Variants in SUZ12 observed in about 807,000 individuals in gnomAD.
SUZ12 encodes the protein polycomb protein SUZ12.
A neutral mutation model predicts 87.3 loss-of-function variants in SUZ12; 17 were observed. The ratio of observed to expected loss-of-function variants is 0.19; its 90% CI spans 0.13 to 0.29. SUZ12 has a LOEUF of 0.29. Among genes scored for constraint, SUZ12 ranks in the 10% least tolerant of loss-of-function variants. SUZ12 has a pLI of 1.00. For missense variants in SUZ12, 526 were observed against 912.2 expected (o/e 0.58, Z 5.45); for synonymous variants, 253 against 312.4 (o/e 0.81, Z 2.01).
chr17:31,941,618 C>T (rs537118991), intron 3 of SUZ12, among the ~76,000 whole-genome samples: 8 of 151,084 alleles, frequency 5.3e-5, no homozygotes, highest in Non-Finnish European at 8.8e-5. Flanking sequence ...GGCGCAACCT[C>T]GGCTCACTGC....
At chr17:31,954,640 G>A (rs1268828998) in intron 4 of SUZ12, among the ~76,000 whole-genome samples, 2 of 151,992 alleles carry the variant, frequency 1.3e-5, no homozygotes, top group Non-Finnish European at 2.9e-5. Flanking sequence ...GGAAAGAAAA[G>A]CATAAGAAAA....
chr17:31,939,675 CG>C (rs1165331131), intron 1 of SUZ12, among the ~76,000 whole-genome samples: 1 of 152,084 alleles, frequency 6.6e-6, no homozygotes, highest in Non-Finnish European at 1.5e-5. Flanking sequence ...AGGCATGCGC[CG>C]CCCCTATGCC....
At chr17:31,991,038 C>T (rs148265598) in intron 10 of SUZ12, among the ~76,000 whole-genome samples, 4 of 152,312 alleles carry the variant, frequency 2.6e-5, no homozygotes, top group African/African-American at 7.2e-5. Flanking sequence ...TGAGCCATTG[C>T]GCCTGGCCAA....
chr17:31,955,396 C>A (rs1907249545), intron 4 of SUZ12, among the ~76,000 whole-genome samples: 1 of 152,112 alleles, frequency 6.6e-6, no homozygotes, highest in Non-Finnish European at 1.5e-5. Context: ...ATCCTCCTGC[C>A]TCAGCCTACC....
At chr17:31,945,446 C>T (rs1348580358) in intron 3 of SUZ12, among the ~76,000 whole-genome samples, 1 of 152,134 alleles carries the variant, frequency 6.6e-6, no homozygotes, top group Admixed American at 6.6e-5. Flanking sequence ...ATATAGGTCA[C>T]GAGAAGGGCA....
chr17:31,958,630 G>A (rs1016492284), intron 4 of SUZ12, among the ~76,000 whole-genome samples: 3 of 152,146 alleles, frequency 2.0e-5, no homozygotes, highest in Non-Finnish European at 2.9e-5. Context: ...GGCGGATCAT[G>A]AGGTCAAGAG....
At chr17:31,964,953 A>G (rs555599092) in intron 4 of SUZ12, among the ~76,000 whole-genome samples, 6 of 151,946 alleles carry the variant, frequency 3.9e-5, no homozygotes, top group Non-Finnish European at 5.9e-5. Context: ...TTGCACTCCA[A>G]CCTGGGCGAG....
intron 8 of SUZ12, among the ~76,000 whole-genome samples, chr17:31,979,119 A>G (rs1254045804): frequency 6.7e-6 from 1 of 148,696 alleles, no homozygotes; most frequent in African/African-American, 2.5e-5. Context: ...AAAAAAAAAA[A>G]AAAAAAGAAT....
At chr17:31,978,097 G>A (rs1216434564) in intron 8 of SUZ12, among the ~76,000 whole-genome samples, 7 of 151,930 alleles carry the variant, frequency 4.6e-5, no homozygotes, top group East Asian at 1.9e-4. Context: ...AACCTATGCC[G>A]TCATTTCTTG....
At chr17:31,997,666 C>CAA (rs892389046) in intron 15 of SUZ12, among the ~76,000 whole-genome samples, 1,583 of 70,352 alleles carry the variant, frequency 0.023, 38 homozygotes, top group African/African-American at 0.068. Context: ...ACCCTATCTC[C>CAA]AAAAAAAAAA....
At chr17:31,990,303 G>C (rs781335049) in intron 10 of SUZ12, among the ~76,000 whole-genome samples, 1 of 151,214 alleles carries the variant, frequency 6.6e-6, no homozygotes, top group Non-Finnish European at 1.5e-5. Context: ...GTAGAGATGG[G>C]GTTTCACCGT....
intron 5 of SUZ12, among the ~76,000 whole-genome samples, chr17:31,968,081 G>A (rs966549331): frequency 5.3e-5 from 8 of 152,126 alleles, no homozygotes; most frequent in Non-Finnish European, 1.2e-4. Context: ...GAGGTGGGAG[G>A]ATTGCTTGAG....
intron 9 of SUZ12, among the ~76,000 whole-genome samples, chr17:31,985,020 T>G (rs1909327578): frequency 1.3e-5 from 2 of 152,242 alleles, no homozygotes; most frequent in South Asian, 4.1e-4. Context: ...CCAGGCATGG[T>G]GGCAGGTGCT....
rs772515100 is a variant in SUZ12, at chr17:31,993,312, A to G, written c.1272A>G (p.Gln424=). 2 of 1,577,300 alleles carry G rather than the reference A, an allele frequency of 1.3e-6. No individual in the cohort carries two copies. The highest frequency in any genetic ancestry group is 2.4e-5 in the South Asian group (2 of 84,920). The part of the protein sequence containing the change: ...KEKDTPNENR[Q]KLRIFYQFLY... ...AGGATACTCCAAATGAAAACCGACA[A>G]AAATTAAGAATATTTTATCAGGTAA... Residue 424 remains glutamine (Q), a synonymous_variant, in exon 11 of 16, where the codon CAA becomes CAG. Coordinates refer to ENST00000322652, the MANE Select transcript of SUZ12 (RefSeq NM_015355.4).
chr17:31,959,970 C>T (rs1907596562), intron 4 of SUZ12, among the ~76,000 whole-genome samples: 2 of 152,130 alleles, frequency 1.3e-5, no homozygotes, highest in Admixed American at 6.6e-5. Flanking sequence ...AACTAAGTTT[C>T]TTATATCTTA....
chr17:31,989,395 A>T lies in SUZ12; in HGVS notation c.1201+898A>T, dbSNP rs141099796. Among the ~76,000 whole-genome samples the T allele has an allele frequency of 1.9e-3, 294 of 152,322 alleles. 2 individuals are homozygous for T. Among genetic ancestry groups the T allele is most frequent in the Admixed American group, 4.8e-3 (73 of 15,294 alleles). On this transcript the variant is annotated intron_variant, in intron 10 of 15. Transcript: ENST00000322652. ...CCTAGAAATTTGAATTGAAAAAAAA[A>T]ATTGAAGCGTGATATGGTACATAGT...
At chr17:31,996,658 A>G (rs1340218867) in intron 14 of SUZ12, 140 bp from the exon 15 acceptor site, 4 of 534,378 alleles carry the variant, frequency 7.5e-6, no homozygotes, top group Non-Finnish European at 9.7e-6. Flanking sequence ...CTACTTAAAT[A>G]GAAGTTAATT....
At chr17:31,964,860 T>C (rs1401692009) in intron 4 of SUZ12, among the ~76,000 whole-genome samples, 1 of 151,984 alleles carries the variant, frequency 6.6e-6, no homozygotes. Flanking sequence ...CTCACACCTA[T>C]AATCCCAGCT....
At position 31,989,765 on chromosome 17, in the gene SUZ12, A is replaced by ATT. The variant is rs568524946; in HGVS notation, c.1201+1284_1201+1285dup. The stretch of plus-strand genomic sequence containing the variant: ...AGGCGCCTGCCACCACGACCAGCTA[A>ATT]TTTTTTTTTTTTTTTTTGTATTTTT... On this transcript the variant is annotated intron_variant, in intron 10 of 15. Coordinates refer to ENST00000322652, the MANE Select transcript of SUZ12 (RefSeq NM_015355.4). Among the ~76,000 whole-genome samples, 711 of 129,842 alleles carry ATT rather than the reference A, an allele frequency of 5.5e-3. 8 individuals carry two copies. Among genetic ancestry groups the ATT allele is most frequent in the African/African-American group, 0.019 (659 of 35,346 alleles). The allele number at this position is 129,842 out of a possible 152,430, so 85.2% of individuals were successfully genotyped here. A position where few individuals can be genotyped will look rare whatever the true frequency, so the allele number is the denominator to read the frequency against.
Sources: gnomAD v4.1 joint callset for allele counts (sites outside exome capture counted in the v4.1 genomes callset) on GRCh38, gnomAD v4.1.1 for gene constraint, MANE v1.5 for transcripts, NCBI Gene and HGNC (gene_info 2026-07-23, HGNC 2026-07-21) for gene names.